The following ANAPC7 variants were observed in gnomAD, a reference collection of about 807,000 sequenced individuals.
The protein encoded by ANAPC7 is anaphase promoting complex subunit 7.
In ANAPC7, 25 loss-of-function variants were observed where a neutral mutation model predicts 63.3. The ratio of observed to expected loss-of-function variants is 0.39; its 90% CI spans 0.29 to 0.55. ANAPC7 has a LOEUF of 0.55. Ranked by LOEUF, ANAPC7 falls within the 20% of genes least tolerant of loss-of-function variation. The pLI is 0.57. For synonymous variants in ANAPC7, 241 were observed against 251.7 expected, an observed-to-expected ratio of 0.96 and a Z score of 0.40; for missense variants, 516 against 691.7, an observed-to-expected ratio of 0.75 and a Z score of 2.85.
chr12:110,389,982 A>G (rs1214983315), intron 3 of ANAPC7, among the ~76,000 whole-genome samples: 1 of 152,198 alleles, frequency 6.6e-6, no homozygotes, highest in Non-Finnish European at 1.5e-5. Context: ...CAGAAAATCT[A>G]AAAGTTCCTA....
At chr12:110,382,996 A>G in intron 6 of ANAPC7, 36 bp from the exon 7 acceptor site, 1 of 1,547,876 alleles carries the variant, frequency 6.5e-7, no homozygotes, top group Non-Finnish European at 8.9e-7. Context: ...GAGGTGTTTT[A>G]AGAAGAGAAG....
intron 8 of ANAPC7, among the ~76,000 whole-genome samples, chr12:110,381,323 G>A (rs1006772641): frequency 2.0e-5 from 3 of 151,944 alleles, no homozygotes; most frequent in African/African-American, 7.3e-5. Flanking sequence ...TTCCCCGGAT[G>A]ATGTTTTTTT....
At chr12:110,375,423 C>T in intron 10 of ANAPC7, 4 of 985,398 alleles carry the variant, frequency 4.1e-6, no homozygotes, top group Non-Finnish European at 4.8e-6. Flanking sequence ...GACAGCCCTT[C>T]ACCATAACCT....
intron 6 of ANAPC7, among the ~76,000 whole-genome samples, chr12:110,385,530 A>G (rs2137946239): frequency 6.6e-6 from 1 of 152,272 alleles, no homozygotes; most frequent in East Asian, 1.9e-4. Context: ...AGTATTTCTA[A>G]AACATCATTT....
intron 6 of ANAPC7, among the ~76,000 whole-genome samples, chr12:110,384,888 TGAAA>T (rs1882316549): frequency 6.6e-6 from 1 of 152,142 alleles, no homozygotes; most frequent in African/African-American, 2.4e-5. Flanking sequence ...AATACACTGC[TGAAA>T]AGCCAATCAG....
At chr12:110,387,935 T>G (rs372373517) in intron 4 of ANAPC7, 43 bp from the exon 5 acceptor site, 2 of 1,602,640 alleles carry the variant, frequency 1.2e-6, no homozygotes, top group Non-Finnish European at 1.7e-6. Context: ...AGGCACGATA[T>G]CTCTCTTCCA....
chr12:110,386,632 G>A, intron 5 of ANAPC7, 163 bp from the exon 6 acceptor site: 3 of 612,594 alleles, frequency 4.9e-6, no homozygotes, highest in East Asian at 2.9e-5. Flanking sequence ...AAGTTATATA[G>A]GACAGGATAG....
In ANAPC7 at chr12:110,394,669, C is replaced by CAAAAAAAA. The variant is rs779142936; in HGVS notation, c.408+424_408+431dup. Among the ~76,000 whole-genome samples, 22 of 42,776 alleles carry CAAAAAAAA rather than the reference C, an allele frequency of 5.1e-4. 2 individuals carry two copies. Among genetic ancestry groups the CAAAAAAAA allele is most frequent in the African/African-American group, 2.3e-3 (22 of 9,416 alleles). 28.1% of individuals were successfully genotyped at this position (42,776 alleles called of 152,430 possible). A position where few individuals can be genotyped will look rare whatever the true frequency, so the allele number is the denominator to read the frequency against. The stretch of plus-strand genomic sequence containing the variant: ...GGGCAACAAGAGTGAAATTCCACCT[C>CAAAAAAAA]AAAAAAAAAAAAAAAAAAAAAAAAA... On this transcript the variant is annotated intron_variant, in intron 3 of 10. Transcript: ENST00000455511.
rs776949011 is a variant in ANAPC7 at position 110,382,980 on chromosome 12, TGAGAA to T, written c.818-25_818-21del. 1 of 1,584,284 alleles carries T rather than the reference TGAGAA, an allele frequency of 6.3e-7. No homozygotes were observed. The highest frequency in any genetic ancestry group is 8.6e-7 in the Non-Finnish European group (1 of 1,156,244). ...CCATTCCTAGAAGAGAAGGACATAG[TGAGAA>T]GAGGTGTTTTAAGAAGAGAAGCAGG... On this transcript the variant is annotated intron_variant, in intron 6 of 10. Transcript: ENST00000455511.
intron 8 of ANAPC7, among the ~76,000 whole-genome samples, chr12:110,380,323 C>A (rs990425042): frequency 2.0e-5 from 3 of 151,756 alleles, no homozygotes; most frequent in Admixed American, 6.6e-5. Flanking sequence ...TGCACTCCAG[C>A]CTGGGTGACA....
Position 110,403,691 on chromosome 12 carries a change from T to C in ANAPC7, c.-64A>G. 2 of 1,552,910 alleles carry C rather than the reference T, an allele frequency of 1.3e-6. No individual in the cohort carries two copies. Among genetic ancestry groups the C allele is most frequent in the East Asian group, 2.4e-5 (1 of 41,106 alleles). ...ACTCGAAAAGCCGGTAGAGGATCCT[T>C]AGGGAAGACTCCAAAATGGCGGCGT... is the stretch of plus-strand genomic sequence containing the variant. On this transcript the variant is annotated 5_prime_UTR_variant, in exon 1 of 11. Transcript: ENST00000455511.
chr12:110,386,338 T>C lies in ANAPC7; in HGVS notation c.806A>G (p.Tyr269Cys). The C allele has an allele frequency of 6.2e-7, 1 of 1,614,068 alleles. No homozygotes were observed. Among genetic ancestry groups the C allele is most frequent in the Non-Finnish European group, 8.5e-7 (1 of 1,180,010 alleles). Residue 269 changes from tyrosine (Y) to cysteine (C), a missense_variant, in exon 6 of 11, where the codon TAT (tyrosine) becomes TGT (cysteine). Around this residue, in one of 4 missense-constraint regions of ANAPC7, gnomAD observed 199 missense variants for 249.3 expected, o/e 0.80. Coordinates refer to ENST00000455511, the MANE Select transcript of ANAPC7 (RefSeq NM_016238.3). ...KFEQAQMLDPYLIKGMDVYGY... is the reference protein window; with the variant it reads ...KFEQAQMLDPCLIKGMDVYGY... Reference sequence around the variant, plus strand: ...CAAGAATTACTTACCTTTTATCAGATAAGGATCCAACATCTGTGCCTGTTC... The same window carrying C: ...CAAGAATTACTTACCTTTTATCAGACAAGGATCCAACATCTGTGCCTGTTC...
At chr12:110,399,537 G>T (rs1324357132) in intron 1 of ANAPC7, among the ~76,000 whole-genome samples, 1 of 151,780 alleles carries the variant, frequency 6.6e-6, no homozygotes, top group Non-Finnish European at 1.5e-5. Flanking sequence ...ATTACTAATA[G>T]ACACGGTTTC....
At chr12:110,385,409 T>C (rs1237345760) in intron 6 of ANAPC7, among the ~76,000 whole-genome samples, 1 of 152,218 alleles carries the variant, frequency 6.6e-6, no homozygotes, top group Non-Finnish European at 1.5e-5. Flanking sequence ...CAGATTCCCA[T>C]GAAAATTCCT....
In ANAPC7 at chr12:110,403,568, C is replaced by A. The variant is rs1302206971; in HGVS notation, c.60G>T (p.Arg20=). ...TTGTAAGTAACAAGCTGCTGAGGAG[C>A]CGCACGTTGGAGTGCAGCCCCGCGG... ...MAAAGLHSNV[R]LLSSLLLTMS... Residue 20 remains arginine (R), a synonymous_variant, in exon 1 of 11, where the codon CGG becomes CGT. Coordinates refer to ENST00000455511, the MANE Select transcript of ANAPC7 (RefSeq NM_016238.3). 1 of 1,608,568 alleles carries A rather than the reference C, an allele frequency of 6.2e-7. No individual in the cohort carries two copies. The highest frequency in any genetic ancestry group is 8.5e-7 in the Non-Finnish European group (1 of 1,178,028).
At position 110,381,386 on chromosome 12, in the gene ANAPC7, G is replaced by C. The variant is rs534955703; in HGVS notation, c.1132+366C>G. Among the ~76,000 whole-genome samples the C allele has an allele frequency of 1.2e-3, 189 of 152,174 alleles. 1 individual carries two copies. The highest frequency in any genetic ancestry group is 4.4e-3 in the African/African-American group (184 of 41,526). On this transcript the variant is annotated intron_variant, in intron 8 of 10. Coordinates refer to ENST00000455511, the MANE Select transcript of ANAPC7 (RefSeq NM_016238.3). ...GGAGTCTTGCTCTGTCGCCAGGCTG[G>C]AGTGCAGTGGCGCAATCTTGGCTCA... is the stretch of plus-strand genomic sequence containing the variant.
intron 6 of ANAPC7, chr12:110,383,308 C>T (rs566967667): frequency 2.4e-5 from 4 of 169,892 alleles, no homozygotes; most frequent in East Asian, 1.7e-4. Context: ...CATAGTGGCA[C>T]GCGCCTGTAA....
chr12:110,401,071 A>C (rs2062220970), intron 1 of ANAPC7, among the ~76,000 whole-genome samples: 1 of 151,998 alleles, frequency 6.6e-6, no homozygotes, highest in Non-Finnish European at 1.5e-5. Context: ...AAAACAAAAC[A>C]CCAAAGTGCA....
chr12:110,377,308 T>C, intron 9 of ANAPC7, 85 bp downstream of exon 9: 1 of 1,196,252 alleles, frequency 8.4e-7, no homozygotes, highest in African/African-American at 1.5e-5. Context: ...TAGTCATCTG[T>C]AACTAGCTGG....
Sources: gnomAD v4.1 joint callset for allele counts (sites outside exome capture counted in the v4.1 genomes callset) on GRCh38, gnomAD v4.1.1 for gene constraint, gnomAD v4.1.1 regional missense constraint, MANE v1.5 for transcripts, NCBI Gene and HGNC (gene_info 2026-07-23, HGNC 2026-07-21) for gene names.